TERT: variants seen among roughly 807,000 people sequenced by gnomAD.
TERT encodes telomerase reverse transcriptase.
A neutral mutation model predicts 104.0 loss-of-function variants in TERT; 42 were observed. The observed-to-expected ratio is 0.40, with a 90% CI of 0.32 to 0.52. The LOEUF (loss-of-function observed/expected upper bound fraction) is 0.52, where lower values mean the gene tolerates loss of function less well. Among genes scored for constraint, TERT ranks in the 20% least tolerant of loss-of-function variants. The pLI, the probability that TERT is intolerant of heterozygous loss-of-function variation, is 0.43. For missense variants in TERT, 1,101 were observed against 1,610.3 expected (o/e 0.68, Z 5.41); for synonymous variants, 781 against 725.6 (o/e 1.08, Z -1.23).
In TERT at chr5:1,255,322, G is replaced by A. The variant is rs2126562513; in HGVS notation, c.3122C>T (p.Ser1041Phe). Reference protein sequence around the residue: ...FFLRVISDTASLCYSILKAKN... With the variant: ...FFLRVISDTAFLCYSILKAKN... ...GGCTTTCAGGATGGAGTAGCAGAGGGAGGCCGTGTCAGAGATGACGCGCAG... is the reference window on the plus strand; with the variant it reads ...GGCTTTCAGGATGGAGTAGCAGAGGAAGGCCGTGTCAGAGATGACGCGCAG... The change falls in exon 14 of 16, where the codon TCC becomes TTC. Residue 1041 changes from serine to phenylalanine, a missense_variant. Physicochemically the swap from Ser to Phe is radical, Grantham distance 155 (BLOSUM62 -2). Coordinates refer to ENST00000310581, the MANE Select transcript of TERT (RefSeq NM_198253.3). The surrounding 1 kb of genome is among the most constrained non-coding windows in gnomAD (Gnocchi z 6.9). 1 of 1,614,224 alleles carries A rather than the reference G, an allele frequency of 6.2e-7. No individual in the cohort carries two copies. Among genetic ancestry groups the A allele is most frequent in the Non-Finnish European group, 8.5e-7 (1 of 1,180,030 alleles).
rs765195721 is a variant in TERT at position 1,280,190 on chromosome 5, C to T, written c.1918G>A (p.Val640Met). The T allele has an allele frequency of 5.0e-6, 8 of 1,614,096 alleles. No individual in the cohort carries two copies. The highest frequency in any genetic ancestry group is 2.7e-5 in the African/African-American group (2 of 75,070). ...TCTCTGCGGAACGTTCTGGCTCCCA[C>T]GACGTAGTCCATGTTCACAATCGGC... is the stretch of plus-strand genomic sequence containing the variant. Reference protein sequence around the residue: ...LRPIVNMDYVVGARTFRREKR... With the variant: ...LRPIVNMDYVMGARTFRREKR... The change falls in exon 4 of 16, where the codon GTG (valine) becomes ATG (methionine). Residue 640 changes from valine (V) to methionine (M), a missense_variant. Transcript: ENST00000310581.
intron 5 of TERT, 46 bp downstream of exon 5, chr5:1,279,245 C>G (rs1749836197): frequency 6.5e-7 from 1 of 1,540,306 alleles, no homozygotes; most frequent in Non-Finnish European, 8.8e-7. Flanking sequence ...CAGGCAGCCA[C>G]TCCCAAGGTC....
chr5:1,271,966 T>A (rs1166037688), intron 7 of TERT, among the ~76,000 whole-genome samples: 1 of 152,232 alleles, frequency 6.6e-6, no homozygotes, highest in African/African-American at 2.4e-5. Flanking sequence ...GGCCGCGCAG[T>A]CAAACGTGAG....
rs549976331 is a variant in TERT at position 1,278,509 on chromosome 5, C to T, written c.2286+132G>A. 49 of 1,298,750 alleles carry T rather than the reference C, an allele frequency of 3.8e-5. 1 individual carries two copies. The African/African-American group carries it at 4.0e-4, about 11-fold the overall frequency. 80.5% of individuals were successfully genotyped at this position (1,298,750 alleles called of 1,614,324 possible). On this transcript the variant is annotated intron_variant, in intron 6 of 15. Coordinates refer to ENST00000310581, the MANE Select transcript of TERT (RefSeq NM_198253.3). Reference sequence around the variant, plus strand: ...CACCACGACACACACGTGCCACACACGCATATCACAGATGTGTAAATCATG... The same window carrying T: ...CACCACGACACACACGTGCCACACATGCATATCACAGATGTGTAAATCATG...
intron 13 of TERT, among the ~76,000 whole-genome samples, 188 bp downstream of exon 13, chr5:1,258,410 G>T (rs1747904427): frequency 6.6e-6 from 1 of 152,214 alleles, no homozygotes; most frequent in African/African-American, 2.4e-5. Context: ...ACTACCCAGA[G>T]ATGGAGAACA....
chr5:1,294,009 G>T lies in TERT; in HGVS notation c.877C>A (p.Arg293Ser). 1 of 1,584,606 alleles carries T rather than the reference G, an allele frequency of 6.3e-7. No homozygotes were observed. The highest frequency in any genetic ancestry group is 8.6e-7 in the Non-Finnish European group (1 of 1,168,350). ...CGGCCCACGGATGGGTGGGAGTGGC[G>T]CGTGCCAGAGAGCGCACCCTCCAAA... ...TSLEGALSGTRHSHPSVGRQH... is the reference protein window; with the variant it reads ...TSLEGALSGTSHSHPSVGRQH... The change falls in exon 2 of 16, where the codon CGC becomes AGC. Residue 293 changes from arginine (R) to serine (S), a missense_variant. Transcript: ENST00000310581.
In TERT at chr5:1,261,118, C is replaced by T. The variant is rs1265393795; in HGVS notation, c.2844-518G>A. Among the ~76,000 whole-genome samples, 5 of 152,176 alleles carry T rather than the reference C, an allele frequency of 3.3e-5. No homozygotes were observed. Among genetic ancestry groups the T allele is most frequent in the African/African-American group, 1.2e-4 (5 of 41,440 alleles). ...TGTCTCCAGAGGGGCAGGATGGAGG[C>T]ATCCCACCGATGTCCTCCAGGGCCT... On this transcript the variant is annotated intron_variant, in intron 11 of 15. Coordinates refer to ENST00000310581, the MANE Select transcript of TERT (RefSeq NM_198253.3). The surrounding 1 kb of genome is among the most constrained non-coding windows in gnomAD (Gnocchi z 7.4).
chr5:1,254,586 G>T (rs952614541), intron 14 of TERT, 81 bp from the exon 15 acceptor site: 2 of 1,503,520 alleles, frequency 1.3e-6, no homozygotes, highest in Non-Finnish European at 1.8e-6. Flanking sequence ...GCCCACACCC[G>T]ACGGTCTGCG....
rs1748397018 is a variant in TERT at position 1,263,866 on chromosome 5, G to T, written c.2843+538C>A. Among the ~76,000 whole-genome samples the T allele has an allele frequency of 6.6e-6, 1 of 152,196 alleles. No individual in the cohort carries two copies. The highest frequency in any genetic ancestry group is 2.4e-5 in the African/African-American group (1 of 41,440). On this transcript the variant is annotated intron_variant, in intron 11 of 15. Coordinates refer to ENST00000310581, the MANE Select transcript of TERT (RefSeq NM_198253.3). This position sits in a 1 kb window ranked among gnomAD's most constrained non-coding sequence, Gnocchi z 5.3. ...TTTGTAGAGACCCCCCCCACACCAT[G>T]GCCCTGTCCCCTGATGGGTCACACG...
At chr5:1,291,038 G>T (rs62332596) in intron 2 of TERT, among the ~76,000 whole-genome samples, 5,279 of 8,540 alleles carry the variant, frequency 0.62, 1,665 homozygotes, top group Admixed American at 0.66. Flanking sequence ...ACCCTGCACG[G>T]GACAGGGACA....
rs1749003342 is a variant in TERT, at chr5:1,271,157, T to C, written c.2430A>G (p.Leu810=). The change falls in exon 8 of 16, where the codon CTA becomes CTG. Residue 810 remains leucine (L), a synonymous_variant. Coordinates refer to ENST00000310581, the MANE Select transcript of TERT (RefSeq NM_198253.3). Reference sequence around the variant, plus strand: ...GCACGGCGTGGTGGCACATGAAGCGTAGGAAGACGTCGAAGAGGCCACTGC... The same window carrying C: ...GCACGGCGTGGTGGCACATGAAGCGCAGGAAGACGTCGAAGAGGCCACTGC... ...EASSGLFDVF[L]RFMCHHAVRI... is the part of the protein sequence containing the mutation. The C allele has an allele frequency of 1.2e-6, 2 of 1,613,084 alleles. No individual in the cohort carries two copies. The highest frequency in any genetic ancestry group is 1.7e-6 in the Non-Finnish European group (2 of 1,180,024).
At chr5:1,291,393 A>C (rs370816349) in intron 2 of TERT, among the ~76,000 whole-genome samples, 14 of 11,458 alleles carry the variant, frequency 1.2e-3, no homozygotes, top group African/African-American at 2.4e-3. Context: ...ACCCGGGGAC[A>C]GCGCCTCACT....
chr5:1,284,293 G>A (rs760219381), intron 2 of TERT, among the ~76,000 whole-genome samples: 84 of 28,728 alleles, frequency 2.9e-3, no homozygotes, highest in South Asian at 4.6e-3. Flanking sequence ...CCATCCAGAC[G>A]CCGCACATCC....
At chr5:1,275,106 G>A (rs918094455) in intron 6 of TERT, among the ~76,000 whole-genome samples, 17 of 152,312 alleles carry the variant, frequency 1.1e-4, no homozygotes, top group African/African-American at 2.2e-4. Flanking sequence ...CGGGCGCGGC[G>A]GTTCACACCT....
intron 2 of TERT, chr5:1,283,095 G>C (rs1750163524): frequency 3.0e-6 from 1 of 337,762 alleles, no homozygotes; most frequent in Non-Finnish European, 5.7e-6. Flanking sequence ...CTCACCGCAG[G>C]GCCTGGCGAC....
rs1209019473 is a variant in TERT, at chr5:1,256,884, C to T, written c.3033-1473G>A. On this transcript the variant is annotated intron_variant, in intron 13 of 15. Transcript: ENST00000310581. The surrounding 1 kb of genome is among the most constrained non-coding windows in gnomAD (Gnocchi z 7.0). ...CGTCCACCCCAAGCCCGTGTGGAGG[C>T]GCGGCCAGCACGGGCCAGGAAGGCC... Among the ~76,000 whole-genome samples, 1 of 152,162 alleles carries T rather than the reference C, an allele frequency of 6.6e-6. No individual in the cohort carries two copies.
chr5:1,253,979 C>T, intron 15 of TERT, 148 bp from the exon 16 acceptor site: 1 of 904,900 alleles, frequency 1.1e-6, no homozygotes, highest in Non-Finnish European at 1.8e-6. Flanking sequence ...AGACACCCCT[C>T]CACCGGGGCG....
rs559028617 is a variant in TERT at position 1,264,558 on chromosome 5, C to A, written c.2689G>T (p.Val897Leu). 5 of 1,614,030 alleles carry A rather than the reference C, an allele frequency of 3.1e-6. No individual in the cohort carries two copies. The East Asian group carries it at 1.1e-4, about 36-fold the overall frequency. The change falls in exon 11 of 16, where the codon GTG becomes TTG. Residue 897 changes from valine (V) to leucine (L), a missense_variant. Around this residue, in one of 5 missense-constraint regions of TERT, gnomAD observed 463 missense variants for 797.5 expected, o/e 0.58. Transcript: ENST00000310581. ...ACCACTGTCTTCCGCAAGTTCACCA[C>A]GCAGCCATACTCAGGGACACCTCGG... Reference protein sequence around the residue: ...LVRGVPEYGCVVNLRKTVVNF... With the variant: ...LVRGVPEYGCLVNLRKTVVNF...
At chr5:1,277,149 G>A (rs1390517050) in intron 6 of TERT, among the ~76,000 whole-genome samples, 1 of 152,196 alleles carries the variant, frequency 6.6e-6, no homozygotes, top group African/African-American at 2.4e-5. Context: ...CCCACGAGGC[G>A]GCTTCGACAC....
Sources: gnomAD v4.1 joint callset for allele counts (sites outside exome capture counted in the v4.1 genomes callset) on GRCh38, gnomAD v4.1.1 for gene constraint, gnomAD v4.1.1 regional missense constraint, Gnocchi (gnomAD v3.1) non-coding constraint, MANE v1.5 for transcripts, NCBI Gene and HGNC (gene_info 2026-07-23, HGNC 2026-07-21) for gene names.